SLC28A2: variants seen among roughly 807,000 people sequenced by gnomAD.
SLC28A2 encodes the protein solute carrier family 28 member 2.
Under a neutral mutation model 72.9 loss-of-function variants are expected in SLC28A2, and 69 were observed. The ratio of observed to expected loss-of-function variants is 0.95; its 90% CI spans 0.78 to 1.16. SLC28A2 has a LOEUF of 1.16. Among genes scored for constraint, SLC28A2 ranks in the 50% most tolerant of loss-of-function variants. The pLI is 0.00. For missense variants in SLC28A2, 745 were observed against 791.1 expected (o/e 0.94, Z 0.70); for synonymous variants, 296 against 294.1 (o/e 1.01, Z -0.07).
At chr15:45,272,234 G>A in intron 15 of SLC28A2, 61 bp from the exon 16 acceptor site, 1 of 1,351,370 alleles carries the variant, frequency 7.4e-7, no homozygotes, top group Non-Finnish European at 1.0e-6. Flanking sequence ...GGGGGCCCAT[G>A]GGATATACCT....
chr15:45,261,176 A>G (rs770352788), intron 3 of SLC28A2, among the ~76,000 whole-genome samples: 1 of 152,232 alleles, frequency 6.6e-6, no homozygotes, highest in Non-Finnish European at 1.5e-5. Context: ...CTTTTGGCTC[A>G]GATGGCTGCA....
chr15:45,268,470 C>T, intron 13 of SLC28A2, 92 bp downstream of exon 13: 1 of 984,436 alleles, frequency 1.0e-6, no homozygotes, highest in South Asian at 1.7e-5. Context: ...CAATGAGATA[C>T]CATCTCACAC....
intron 1 of SLC28A2, among the ~76,000 whole-genome samples, chr15:45,252,926 C>G (rs985659687): frequency 6.6e-6 from 1 of 152,220 alleles, no homozygotes; most frequent in East Asian, 1.9e-4. Flanking sequence ...CCCACTGATT[C>G]ATTTCAATTC....
chr15:45,267,124 G>A (rs1024994850), intron 10 of SLC28A2, among the ~76,000 whole-genome samples: 1 of 152,212 alleles, frequency 6.6e-6, no homozygotes, highest in African/African-American at 2.4e-5. Flanking sequence ...TTCAGTAAGT[G>A]TGTGGCTTTA....
chr15:45,274,283 A>G (rs8033629), intron 17 of SLC28A2, among the ~76,000 whole-genome samples: 109,195 of 151,422 alleles, frequency 0.72, 40,609 homozygotes, highest in Middle Eastern at 0.78. Flanking sequence ...AGGATCACTT[A>G]AGCTCAGGAG....
At chr15:45,265,206 G>A in intron 8 of SLC28A2, 40 bp downstream of exon 8, 1 of 1,287,734 alleles carries the variant, frequency 7.8e-7, no homozygotes, top group Non-Finnish European at 1.1e-6. Context: ...GGTCTATGGA[G>A]GGGTAGAGGA....
At chr15:45,270,068 CT>C in intron 14 of SLC28A2, 126 bp from the exon 15 acceptor site, 1 of 672,604 alleles carries the variant, frequency 1.5e-6, no homozygotes, top group Non-Finnish European at 2.6e-6. Context: ...TCTGAGCATC[CT>C]TTCATGTTCC....
intron 4 of SLC28A2, 122 bp downstream of exon 4, chr15:45,262,228 G>A (rs1900184456): frequency 4.5e-6 from 3 of 670,364 alleles, no homozygotes; most frequent in African/African-American, 1.8e-5. Context: ...GCTATTTGAT[G>A]TATCAATCTT....
Position 45,263,889 on chromosome 15 carries a change from C to T in SLC28A2, c.455C>T (p.Ala152Val). 2 of 1,608,022 alleles carry T rather than the reference C, an allele frequency of 1.2e-6. No individual in the cohort carries two copies. The highest frequency in any genetic ancestry group is 2.2e-5 in the East Asian group (1 of 44,736). Residue 152 changes from alanine to valine, a missense_variant, in exon 6 of 18, where the codon GCA (alanine) becomes GTA (valine). Transcript: ENST00000347644. ...RLRLWTKWVF[A>V]GVSLVGLILW... ...TGGCATTCCTTCTTCAGGGTGTTTG[C>T]AGGAGTCTCCTTGGTTGGCCTTATA...
intron 3 of SLC28A2, among the ~76,000 whole-genome samples, chr15:45,260,764 C>T (rs1012711015): frequency 3.9e-5 from 6 of 152,162 alleles, no homozygotes; most frequent in African/African-American, 1.2e-4. Context: ...GAGACCTTGT[C>T]TCTTAAAGAG....
intron 15 of SLC28A2, among the ~76,000 whole-genome samples, chr15:45,270,961 C>T (rs2140581037): frequency 6.6e-6 from 1 of 152,206 alleles, no homozygotes; most frequent in Middle Eastern, 3.4e-3. Context: ...GTAGTGAAGA[C>T]ACTTTTTGAA....
rs760983889 is a variant in SLC28A2 at position 45,252,313 on chromosome 15, A to C, written c.-17+35A>C. ...GGTGTTTGGGGGAGGGCAGGTGCCT[A>C]ATTTACAAATTTTTAAAGAGATCAT... On this transcript the variant is annotated intron_variant, in intron 1 of 17. Transcript: ENST00000347644. 3.6e-4 allele frequency: 162 copies of C among 455,774 alleles called. 1 individual carries two copies. Among genetic ancestry groups the C allele is most frequent in the Non-Finnish European group, 9.3e-5 (21 of 226,748 alleles). The allele number at this position is 455,774 out of a possible 1,614,324, so 28.2% of individuals were successfully genotyped here. A position where few individuals can be genotyped will look rare whatever the true frequency, so the allele number is the denominator to read the frequency against.
chr15:45,269,649 T>C (rs1473002149), intron 14 of SLC28A2, 114 bp downstream of exon 14: 18 of 853,898 alleles, frequency 2.1e-5, no homozygotes, highest in Non-Finnish European at 2.3e-5. Flanking sequence ...CTTTCTGGGG[T>C]CGCAGGCCTA....
At chr15:45,272,229 C>A in intron 15 of SLC28A2, 66 bp from the exon 16 acceptor site, 2 of 1,248,438 alleles carry the variant, frequency 1.6e-6, no homozygotes, top group Non-Finnish European at 1.2e-6. Context: ...TAAGTGGGGG[C>A]CCATGGGATA....
rs17215619 is a variant in SLC28A2, at chr15:45,264,786, C to T, written c.702+18C>T. The T allele has an allele frequency of 2.1e-4, 314 of 1,464,084 alleles. No homozygotes were observed. In the African/African-American group the frequency reaches 3.3e-3, roughly 15 times the overall value. The allele number at this position is 1,464,084 out of a possible 1,614,324, so 90.7% of individuals were successfully genotyped here. ...AGGTCCAGGTATGAGAAATTAAATG[C>T]GAGGGCTTTTCTCTTTTAGAACCCT... On this transcript the variant is annotated intron_variant, in intron 7 of 17. Coordinates refer to ENST00000347644, the MANE Select transcript of SLC28A2 (RefSeq NM_004212.4).
intron 15 of SLC28A2, chr15:45,271,911 C>T (rs577988036): frequency 5.6e-6 from 1 of 179,568 alleles, no homozygotes; most frequent in South Asian, 1.4e-4. Flanking sequence ...CCTTAGCCCT[C>T]TGTCTCAAAA....
rs1900754471 is a variant in SLC28A2, at chr15:45,276,348, G to A, written c.*835G>A. Reference sequence around the variant, plus strand: ...ACTGTTGTGGGGTGAGGGGAAGGGGGAGGGATAGCATTAGGAGATATACCT... The same window carrying A: ...ACTGTTGTGGGGTGAGGGGAAGGGGAAGGGATAGCATTAGGAGATATACCT... On this transcript the variant is annotated 3_prime_UTR_variant, in exon 18 of 18. Transcript: ENST00000347644. 6.6e-6 allele frequency: 1 copy of A among 152,164 alleles called. No individual in the cohort carries two copies. The highest frequency in any genetic ancestry group is 2.4e-5 in the African/African-American group (1 of 41,512). 9.4% of individuals were successfully genotyped at this position (152,164 alleles called of 1,614,324 possible).
At chr15:45,270,106 G>A in intron 14 of SLC28A2, 89 bp from the exon 15 acceptor site, 2 of 845,914 alleles carry the variant, frequency 2.4e-6, no homozygotes, top group Non-Finnish European at 2.0e-6. Context: ...AAGACTGGGG[G>A]CTGTCAGTAC....
chr15:45,256,210 A>AT (rs1450318024), intron 3 of SLC28A2, among the ~76,000 whole-genome samples: 1 of 152,090 alleles, frequency 6.6e-6, no homozygotes, highest in Non-Finnish European at 1.5e-5. Context: ...ATTTATTTTT[A>AT]TTTTTTGAGA....
Sources: allele counts gnomAD v4.1 joint callset (sites outside exome capture counted in the v4.1 genomes callset), GRCh38; gene constraint gnomAD v4.1.1; transcripts MANE v1.5; gene names NCBI Gene and HGNC (gene_info 2026-07-23, HGNC 2026-07-21).